Variants in CATSPERE observed in about 807,000 individuals in gnomAD.
The protein encoded by CATSPERE is cation channel sperm-associated auxiliary subunit epsilon.
CATSPERE carries 93 observed loss-of-function variants against 114.1 expected under a neutral mutation model. That is an observed-to-expected ratio of 0.81 (90% CI 0.69 to 0.97). CATSPERE has a LOEUF of 0.97. CATSPERE is among the 50% of genes least tolerant of loss of function. CATSPERE has a pLI of 0.00. For missense variants in CATSPERE, 1,058 were observed against 1,131.6 expected (o/e 0.93, Z 0.93); for synonymous variants, 341 against 384.1 (o/e 0.89, Z 1.31).
rs773363111 is a variant in CATSPERE, at chr1:244,461,394, T to C, written c.-36T>C. On this transcript the variant is annotated 5_prime_UTR_variant, in exon 1 of 22. Coordinates refer to ENST00000366534, the MANE Select transcript of CATSPERE (RefSeq NM_001130957.2). ...GGAATGCGCGAGGCCTGGACGGGAG[T>C]GGCCGAGGCGGTTGGGCGGAGGCGG... 1 of 1,336,660 alleles carries C rather than the reference T, an allele frequency of 7.5e-7. No individual in the cohort carries two copies. Among genetic ancestry groups the C allele is most frequent in the Middle Eastern group, 2.2e-4 (1 of 4,506 alleles). 82.8% of individuals were successfully genotyped at this position (1,336,660 alleles called of 1,614,324 possible). A position where few individuals can be genotyped will look rare whatever the true frequency, so the allele number is the denominator to read the frequency against.
At chr1:244,577,536 A>G (rs1558528553) in intron 11 of CATSPERE, among the ~76,000 whole-genome samples, 1 of 152,248 alleles carries the variant, frequency 6.6e-6, no homozygotes, top group African/African-American at 2.4e-5. Flanking sequence ...CCCAAGATCA[A>G]GATGCCAGCA....
chr1:244,512,214 T>C (rs1234942575), intron 7 of CATSPERE, among the ~76,000 whole-genome samples: 3 of 152,368 alleles, frequency 2.0e-5, no homozygotes, highest in South Asian at 2.1e-4. Context: ...ATATGTCATA[T>C]AGGCTTTCTT....
Position 244,604,258 on chromosome 1 carries a change from G to C in CATSPERE, c.2304-1437G>C, listed in dbSNP as rs958772881. 5.9e-5 allele frequency among the ~76,000 whole-genome samples: 9 copies of C among 152,324 alleles called. No individual in the cohort carries two copies. In the South Asian group the frequency reaches 1.9e-3, roughly 32 times the overall value. Reference sequence around the variant, plus strand: ...CCAAACACCAATCCTCCAATCCCTAGCTAGTCATGCCTGTTTGAGAACTAA... The same window carrying C: ...CCAAACACCAATCCTCCAATCCCTACCTAGTCATGCCTGTTTGAGAACTAA... On this transcript the variant is annotated intron_variant, in intron 17 of 21. Transcript: ENST00000366534.
chr1:244,538,780 C>T (rs896113056), intron 8 of CATSPERE, among the ~76,000 whole-genome samples: 5 of 152,136 alleles, frequency 3.3e-5, no homozygotes, highest in Admixed American at 1.3e-4. Flanking sequence ...GAGGCTTAGT[C>T]GTGTCTCACC....
intron 8 of CATSPERE, among the ~76,000 whole-genome samples, chr1:244,538,032 T>C (rs3003248): frequency 0.87 from 132,248 of 152,088 alleles, 58,475 homozygotes; most frequent in East Asian, 1. Flanking sequence ...GTTGTAAAAA[T>C]GCATGGGAGG....
intron 11 of CATSPERE, among the ~76,000 whole-genome samples, chr1:244,574,227 A>G (rs1186344890): frequency 1.3e-5 from 2 of 152,228 alleles, no homozygotes; most frequent in Non-Finnish European, 2.9e-5. Flanking sequence ...TTCCTAAATA[A>G]TAAAGGGGCA....
chr1:244,524,658 C>A (rs2148390206), intron 8 of CATSPERE, among the ~76,000 whole-genome samples: 1 of 151,604 alleles, frequency 6.6e-6, no homozygotes, highest in East Asian at 1.9e-4. Context: ...AACAAACAAC[C>A]CCATCAAAAA....
intron 13 of CATSPERE, among the ~76,000 whole-genome samples, chr1:244,588,015 T>C (rs1192528274): frequency 1.3e-5 from 2 of 151,920 alleles, no homozygotes; most frequent in Non-Finnish European, 2.9e-5. Context: ...ACCAACATGG[T>C]GAAACCCTGT....
At position 244,607,519 on chromosome 1, in the gene CATSPERE, A is replaced by T. The variant is rs1173760712; in HGVS notation, c.2403+1725A>T. On this transcript the variant is annotated intron_variant, in intron 18 of 21. Coordinates refer to ENST00000366534, the MANE Select transcript of CATSPERE (RefSeq NM_001130957.2). This position sits in a 1 kb window ranked among gnomAD's most constrained non-coding sequence, Gnocchi z 4.4. ...TCTAAACAGGGACTACGTTTCCCAGATGCATTTGCATCTAGCTGGGGCCAT... is the reference window on the plus strand; with the variant it reads ...TCTAAACAGGGACTACGTTTCCCAGTTGCATTTGCATCTAGCTGGGGCCAT... Among the ~76,000 whole-genome samples, 1 of 152,206 alleles carries T rather than the reference A, an allele frequency of 6.6e-6. No individual in the cohort carries two copies. The highest frequency in any genetic ancestry group is 1.5e-5 in the Non-Finnish European group (1 of 68,044).
chr1:244,640,127 C>G lies in CATSPERE; in HGVS notation c.*46C>G. On this transcript the variant is annotated 3_prime_UTR_variant, in exon 22 of 22. Transcript: ENST00000366534. The stretch of plus-strand genomic sequence containing the variant: ...TTACAGATATATGCATATAGAGAAA[C>G]AGTGTATTACATAGTGATATTGAGA... The G allele has an allele frequency of 7.1e-7, 1 of 1,400,596 alleles. No homozygotes were observed. The highest frequency in any genetic ancestry group is 9.8e-7 in the Non-Finnish European group (1 of 1,017,770). 86.8% of individuals were successfully genotyped at this position (1,400,596 alleles called of 1,614,324 possible). A position where few individuals can be genotyped will look rare whatever the true frequency, so the allele number is the denominator to read the frequency against.
At chr1:244,616,464 G>A in intron 19 of CATSPERE, among the ~76,000 whole-genome samples, 1 of 152,168 alleles carries the variant, frequency 6.6e-6, no homozygotes, top group East Asian at 1.9e-4. Context: ...ATAATAAACA[G>A]AAATTTATTG....
At chr1:244,519,762 G>A (rs1303764410) in intron 8 of CATSPERE, among the ~76,000 whole-genome samples, 1 of 152,148 alleles carries the variant, frequency 6.6e-6, no homozygotes, top group African/African-American at 2.4e-5. Flanking sequence ...ACAAACTATT[G>A]TAAAATAAAA....
chr1:244,629,876 G>C (rs867265228), intron 20 of CATSPERE, among the ~76,000 whole-genome samples: 1 of 150,256 alleles, frequency 6.7e-6, no homozygotes, highest in Non-Finnish European at 1.5e-5. Flanking sequence ...CTGACCTCAA[G>C]CAATCCACCT....
chr1:244,576,514 C>G (rs557047095), intron 11 of CATSPERE, among the ~76,000 whole-genome samples: 1 of 147,378 alleles, frequency 6.8e-6, no homozygotes, highest in South Asian at 2.2e-4. Context: ...GTACAATTGC[C>G]TTGCTGAGAA....
chr1:244,505,416 T>C (rs1411011196), intron 7 of CATSPERE, among the ~76,000 whole-genome samples: 1 of 152,222 alleles, frequency 6.6e-6, no homozygotes, highest in East Asian at 1.9e-4. Flanking sequence ...AGGAAACATA[T>C]ATGTGTGTAC....
rs1247366864 is a variant in CATSPERE, at chr1:244,591,696, A to G, written c.2154A>G (p.Gly718=). ...FIAIKGFSKK[G]CHHHDFSYVI... is the part of the protein sequence containing the mutation. Reference sequence around the variant, plus strand: ...TCTTTTGTAGATTTAGTAAAAAAGGATGTCATCACCATGATTTTTCATACG... The same window carrying G: ...TCTTTTGTAGATTTAGTAAAAAAGGGTGTCATCACCATGATTTTTCATACG... The change falls in exon 15 of 22, where the codon GGA becomes GGG. Residue 718 remains glycine (G), a synonymous_variant. Transcript: ENST00000366534. The G allele has an allele frequency of 4.0e-6, 6 of 1,511,842 alleles. No homozygotes were observed. The highest frequency in any genetic ancestry group is 4.6e-6 in the Non-Finnish European group (5 of 1,098,234). 93.7% of individuals were successfully genotyped at this position (1,511,842 alleles called of 1,614,324 possible). A position where few individuals can be genotyped will look rare whatever the true frequency, so the allele number is the denominator to read the frequency against.
intron 8 of CATSPERE, among the ~76,000 whole-genome samples, chr1:244,530,833 A>G (rs1679462664): frequency 6.6e-6 from 1 of 152,170 alleles, no homozygotes. Flanking sequence ...GCATATAGAA[A>G]TGCTACTGAT....
At chr1:244,596,909 C>G (rs1201623595) in intron 17 of CATSPERE, among the ~76,000 whole-genome samples, 2 of 152,090 alleles carry the variant, frequency 1.3e-5, no homozygotes, top group Non-Finnish European at 2.9e-5. Flanking sequence ...GGATCCTCCA[C>G]AAACTTCCAC....
At chr1:244,494,694 CA>C (rs1189105949) in intron 6 of CATSPERE, among the ~76,000 whole-genome samples, 2 of 151,558 alleles carry the variant, frequency 1.3e-5, no homozygotes, top group Non-Finnish European at 2.9e-5. Context: ...AAGATATATT[CA>C]AAATGTTGAA....
Sources: allele counts gnomAD v4.1 joint callset (sites outside exome capture counted in the v4.1 genomes callset), GRCh38; gene constraint gnomAD v4.1.1; non-coding constraint Gnocchi (gnomAD v3.1); transcripts MANE v1.5; gene names NCBI Gene and HGNC (gene_info 2026-07-23, HGNC 2026-07-21).